The following RNF19A variants were observed in gnomAD, a reference collection of about 807,000 sequenced individuals.
RNF19A encodes the protein ring finger protein 19A, RBR E3 ubiquitin protein ligase.
A neutral mutation model predicts 75.7 loss-of-function variants in RNF19A; 32 were observed. That is an observed-to-expected ratio of 0.42 (90% confidence interval 0.32 to 0.57). The LOEUF is 0.57. Ranked by LOEUF, RNF19A falls within the 20% of genes least tolerant of loss-of-function variation. The pLI, the probability that RNF19A is intolerant of heterozygous loss-of-function variation, is 0.10. For missense variants in RNF19A, 782 were observed against 1,036.3 expected, an observed-to-expected ratio of 0.75 and a Z score of 3.37; for synonymous variants, 335 against 345.2, an observed-to-expected ratio of 0.97 and a Z score of 0.33.
In RNF19A at chr8:100,270,007, T is replaced by G. The variant is rs775287628; in HGVS notation, c.890A>C (p.Asp297Ala). 1 of 1,585,856 alleles carries G rather than the reference T, an allele frequency of 6.3e-7. No individual in the cohort carries two copies. The highest frequency in any genetic ancestry group is 1.8e-5 in the Admixed American group (1 of 55,652). Reference protein sequence around the residue: ...YSQESGAAADDIKPCPRCAAY... With the variant: ...YSQESGAAADAIKPCPRCAAY... ...AGCACATCGTGGACATGGCTTTATA[T>G]CATCAGCTATTGGGAACACAGAGAA... The change falls in exon 4 of 10, where the codon GAT becomes GCT. Residue 297 changes from aspartate (D) to alanine (A), a missense_variant. Around this residue, in one of 7 missense-constraint regions of RNF19A, gnomAD observed 31 missense variants for 48.8 expected, o/e 0.64. Transcript: ENST00000341084.
intron 1 of RNF19A, among the ~76,000 whole-genome samples, chr8:100,289,446 T>C (rs529162092): frequency 6.6e-6 from 1 of 152,280 alleles, no homozygotes; most frequent in East Asian, 1.9e-4. Flanking sequence ...GTGCCCAGAC[T>C]ATGTAAAGAA....
At chr8:100,312,959 C>T (rs1822323099), upstream of RNF19A, among the ~76,000 whole-genome samples, 1 of 151,962 alleles carries the variant, frequency 6.6e-6, no homozygotes, top group African/African-American at 2.4e-5. Flanking sequence ...AAAATAAATA[C>T]ATAACCTCTT....
chr8:100,285,177 T>C (rs1820958498), intron 2 of RNF19A, among the ~76,000 whole-genome samples: 1 of 152,204 alleles, frequency 6.6e-6, no homozygotes, highest in Admixed American at 6.5e-5. Context: ...TTCTCAGTTG[T>C]AGAATAAATG....
chr8:100,275,804 A>G lies in RNF19A; in HGVS notation c.675-643T>C, dbSNP rs2129719454. Among the ~76,000 whole-genome samples, 1 of 152,282 alleles carries G rather than the reference A, an allele frequency of 6.6e-6. No individual in the cohort carries two copies. Among genetic ancestry groups the G allele is most frequent in the East Asian group, 1.9e-4 (1 of 5,190 alleles). On this transcript the variant is annotated intron_variant, in intron 2 of 9. Coordinates refer to ENST00000341084, the MANE Select transcript of RNF19A (RefSeq NM_183419.4). This position sits in a 1 kb window ranked among gnomAD's most constrained non-coding sequence, Gnocchi z 4.3. ...AAAGAAAAAAAGATTGCCTGTTTAAAAATGTAGTGACTATAGGTTAGTTTT... is the reference window on the plus strand; with the variant it reads ...AAAGAAAAAAAGATTGCCTGTTTAAGAATGTAGTGACTATAGGTTAGTTTT...
Position 100,264,620 on chromosome 8 carries a change from C to G in RNF19A, c.1306+51G>C. 8.2e-7 allele frequency: 1 copy of G among 1,225,940 alleles called. No homozygotes were observed. The highest frequency in any genetic ancestry group is 1.3e-5 in the South Asian group (1 of 77,398). The allele number at this position is 1,225,940 out of a possible 1,614,324, so 75.9% of individuals were successfully genotyped here. On this transcript the variant is annotated intron_variant, in intron 6 of 9. Transcript: ENST00000341084. This position sits in a 1 kb window ranked among gnomAD's most constrained non-coding sequence, Gnocchi z 4.7. ...AATTAAAAAAAATCCTTCCACAAAA[C>G]TTTAACTCCATAAAATTGTAGGTAA...
intron 1 of RNF19A, among the ~76,000 whole-genome samples, chr8:100,295,756 T>A (rs1796247056): frequency 6.6e-6 from 1 of 152,210 alleles, no homozygotes; most frequent in Non-Finnish European, 1.5e-5. Context: ...GATGTATTTC[T>A]ACCCAAGCTA....
At chr8:100,301,435 T>G (rs1292491773) in intron 1 of RNF19A, among the ~76,000 whole-genome samples, 1 of 152,222 alleles carries the variant, frequency 6.6e-6, no homozygotes, top group African/African-American at 2.4e-5. Flanking sequence ...AATTTCAAGT[T>G]TCCTGTGGCA....
At position 100,259,131 on chromosome 8, in the gene RNF19A, C is replaced by T. The variant is rs376332157; in HGVS notation, c.1942G>A (p.Gly648Ser). 88 of 1,614,048 alleles carry T rather than the reference C, an allele frequency of 5.5e-5. No individual in the cohort carries two copies. The highest frequency in any genetic ancestry group is 6.9e-5 in the Non-Finnish European group (81 of 1,180,040). ...DGSATRSHAG[G>S]SSSGLPEGKS... ...CCTTCAGGCAAGCCACTGGATGAAC[C>T]GCCAGCATGACTTCGGGTGGCACTG... Residue 648 changes from glycine to serine, a missense_variant, in exon 10 of 10, where the codon GGT becomes AGT. Around this residue, in one of 7 missense-constraint regions of RNF19A, gnomAD observed 442 missense variants for 541.6 expected, o/e 0.82. Coordinates refer to ENST00000341084, the MANE Select transcript of RNF19A (RefSeq NM_183419.4). This position sits in a 1 kb window ranked among gnomAD's most constrained non-coding sequence, Gnocchi z 4.5.
rs773822737 is a variant in RNF19A, at chr8:100,258,610, G to A, written c.2463C>T (p.Asn821=). 19 of 1,613,666 alleles carry A rather than the reference G, an allele frequency of 1.2e-5. No homozygotes were observed. The highest frequency in any genetic ancestry group is 6.7e-5 in the Admixed American group (4 of 59,952). ...ATTCCATTGTCTGATGTGAGTGGTT[G>A]TTATTTGTTTCTTTTAGTGCATCGC... ...YFGDALKETN[N]NHSHQTMELK... is the part of the protein sequence containing the mutation. The change falls in exon 10 of 10, where the codon AAC becomes AAT. Residue 821 remains asparagine, a synonymous_variant. Transcript: ENST00000341084. This position sits in a 1 kb window ranked among gnomAD's most constrained non-coding sequence, Gnocchi z 4.3.
Position 100,325,675 on chromosome 8 carries a change from G to A in RNF19A, c.-243+10433C>T, listed in dbSNP as rs1405309388. On this transcript the variant is annotated intron_variant, in intron 1 of 3. Coordinates refer to the RNF19A transcript ENST00000519527. The surrounding 1 kb of genome is among the most constrained non-coding windows in gnomAD (Gnocchi z 4.3). ...AAGATTGAACACAACTTAACAGACC[G>A]ATTATCTAGTCATTGTTATCAACCT... Among the ~76,000 whole-genome samples, 1 of 152,020 alleles carries A rather than the reference G, an allele frequency of 6.6e-6. No individual in the cohort carries two copies. The highest frequency in any genetic ancestry group is 6.5e-5 in the Admixed American group (1 of 15,276).
At chr8:100,302,289 C>T (rs895474900) in intron 1 of RNF19A, among the ~76,000 whole-genome samples, 5 of 152,132 alleles carry the variant, frequency 3.3e-5, no homozygotes, top group African/African-American at 1.2e-4. Flanking sequence ...AGAAAGATGA[C>T]GATGGCACAT....
Position 100,258,897 on chromosome 8 carries a change from T to C in RNF19A, c.2176A>G (p.Ser726Gly). 1 of 1,614,178 alleles carries C rather than the reference T, an allele frequency of 6.2e-7. No homozygotes were observed. The highest frequency in any genetic ancestry group is 8.5e-7 in the Non-Finnish European group (1 of 1,180,024). Residue 726 changes from serine to glycine, a missense_variant, in exon 10 of 10, where the codon AGT (serine) becomes GGT (glycine). This residue lies in a region of RNF19A where 442 missense variants were observed against 541.6 expected (regional missense o/e 0.82). Coordinates refer to ENST00000341084, the MANE Select transcript of RNF19A (RefSeq NM_183419.4). The surrounding 1 kb of genome is among the most constrained non-coding windows in gnomAD (Gnocchi z 4.3). ...GAACAACTAAATTCAGAAAAATGAC[T>C]AGAGTGAGAATCTGCTACAGAAGGC... ...SMPSVADSHS[S>G]HFSEFSCSDL...
Position 100,317,007 on chromosome 8 carries a change from G to A in RNF19A, c.-242-3635C>T, listed in dbSNP as rs1383992304. On this transcript the variant is annotated intron_variant, in intron 1 of 3. Coordinates refer to the RNF19A transcript ENST00000519527. This position sits in a 1 kb window ranked among gnomAD's most constrained non-coding sequence, Gnocchi z 4.3. ...GGGACCCAGTACACTCTCCGCAGCC[G>A]CTGGCCCGGGTGCTAAGTCCCTCAT... Among the ~76,000 whole-genome samples the A allele has an allele frequency of 6.6e-6, 1 of 152,074 alleles. No individual in the cohort carries two copies. Among genetic ancestry groups the A allele is most frequent in the Admixed American group, 6.5e-5 (1 of 15,268 alleles).
chr8:100,275,210 T>C lies in RNF19A; in HGVS notation c.675-49A>G. The C allele has an allele frequency of 1.3e-6, 2 of 1,514,316 alleles. No homozygotes were observed. Among genetic ancestry groups the C allele is most frequent in the East Asian group, 2.3e-5 (1 of 44,390 alleles). The allele number at this position is 1,514,316 out of a possible 1,614,324, so 93.8% of individuals were successfully genotyped here. A position where few individuals can be genotyped will look rare whatever the true frequency, so the allele number is the denominator to read the frequency against. Reference sequence around the variant, plus strand: ...TTAAAATGTGACATAAAACAAGAGATACTCATTTCAAAAAGTATCCAACTA... The same window carrying C: ...TTAAAATGTGACATAAAACAAGAGACACTCATTTCAAAAAGTATCCAACTA... On this transcript the variant is annotated intron_variant, in intron 2 of 9. Transcript: ENST00000341084. This position sits in a 1 kb window ranked among gnomAD's most constrained non-coding sequence, Gnocchi z 4.3.
At chr8:100,315,400 G>A (rs13276656) in intron 1 of RNF19A, among the ~76,000 whole-genome samples, 1 of 152,136 alleles carries the variant, frequency 6.6e-6, no homozygotes, top group Non-Finnish European at 1.5e-5. Flanking sequence ...CACTGGGGGG[G>A]AAAAATGCAA....
intron 1 of RNF19A, among the ~76,000 whole-genome samples, chr8:100,305,551 T>G (rs758947532): frequency 1.3e-5 from 2 of 152,266 alleles, no homozygotes; most frequent in Non-Finnish European, 2.9e-5. Context: ...TTCTTTAATG[T>G]GGCACTAGAA....
At chr8:100,295,973 A>G (rs1270004451) in intron 1 of RNF19A, among the ~76,000 whole-genome samples, 1 of 152,248 alleles carries the variant, frequency 6.6e-6, no homozygotes, top group Non-Finnish European at 1.5e-5. Context: ...GCTTACTTAT[A>G]AGACTTGCTT....
chr8:100,307,053 A>G (rs1354132627), intron 1 of RNF19A, among the ~76,000 whole-genome samples: 2 of 152,256 alleles, frequency 1.3e-5, no homozygotes, highest in Admixed American at 1.3e-4. Flanking sequence ...ATATGCAATG[A>G]AATGTAAATT....
At chr8:100,319,578 G>A (rs7001993) in intron 1 of RNF19A, among the ~76,000 whole-genome samples, 19,460 of 141,378 alleles carry the variant, frequency 0.14, 4,118 homozygotes, top group African/African-American at 0.46. Context: ...CATCCAGGCT[G>A]GAGTGTAATG....
Sources: gnomAD v4.1 joint callset for allele counts (sites outside exome capture counted in the v4.1 genomes callset) on GRCh38, gnomAD v4.1.1 for gene constraint, gnomAD v4.1.1 regional missense constraint, Gnocchi (gnomAD v3.1) non-coding constraint, MANE v1.5 for transcripts, NCBI Gene and HGNC (gene_info 2026-07-23, HGNC 2026-07-21) for gene names.